POU2F2: variants seen among roughly 807,000 people sequenced by gnomAD.
The protein encoded by POU2F2 is POU class 2 homeobox 2.
POU2F2 carries 14 observed loss-of-function variants against 63.5 expected under a neutral mutation model. The observed-to-expected ratio is 0.22, with a 90% CI of 0.15 to 0.34. The LOEUF is 0.34. Among genes scored for constraint, POU2F2 ranks in the 10% least tolerant of loss-of-function variants. The probability of loss-of-function intolerance (pLI) is 1.00; values close to 1 mark genes in which losing one functional copy is unlikely to be tolerated. For synonymous variants in POU2F2, 306 were observed against 348.6 expected, an observed-to-expected ratio of 0.88 and a Z score of 1.36; for missense variants, 607 against 815.2, an observed-to-expected ratio of 0.74 and a Z score of 3.11.
At chr19:42,113,800 A>C (rs907556931) in intron 5 of POU2F2, among the ~76,000 whole-genome samples, 2 of 152,068 alleles carry the variant, frequency 1.3e-5, no homozygotes, top group African/African-American at 4.8e-5. Flanking sequence ...TGAGAAGTGG[A>C]CTGGGGGGTG....
chr19:42,143,301 G>A (rs2034165567), intron 2 of POU2F2, among the ~76,000 whole-genome samples: 2 of 152,058 alleles, frequency 1.3e-5, no homozygotes, highest in Non-Finnish European at 1.5e-5. Flanking sequence ...GCAGTGAGCC[G>A]AGATCAAGCT....
chr19:42,188,349 G>C (rs1457068522), intron 1 of POU2F2, among the ~76,000 whole-genome samples: 3 of 150,174 alleles, frequency 2.0e-5, no homozygotes, highest in African/African-American at 7.4e-5. Context: ...CTGGGTGACA[G>C]AGTGAGACCT....
At chr19:42,159,442 C>A (rs1321601245) in intron 2 of POU2F2, among the ~76,000 whole-genome samples, 1 of 152,138 alleles carries the variant, frequency 6.6e-6, no homozygotes, top group Non-Finnish European at 1.5e-5. Context: ...CCTACAAGGG[C>A]ACCCAAAGGC....
intron 5 of POU2F2, among the ~76,000 whole-genome samples, chr19:42,101,436 A>G (rs1022786097): frequency 6.6e-6 from 1 of 152,180 alleles, no homozygotes; most frequent in Non-Finnish European, 1.5e-5. Flanking sequence ...TTGGACATAG[A>G]CATGGATAAC....
intron 2 of POU2F2, among the ~76,000 whole-genome samples, chr19:42,150,525 C>A (rs1481072182): frequency 6.6e-6 from 1 of 151,452 alleles, no homozygotes; most frequent in East Asian, 2.0e-4. Context: ...TGCTTTATTG[C>A]CAAGAAACTG....
intron 1 of POU2F2, among the ~76,000 whole-genome samples, chr19:42,195,627 T>C (rs1394323243): frequency 6.7e-6 from 1 of 150,262 alleles, no homozygotes; most frequent in East Asian, 2.0e-4. Flanking sequence ...CCACCGCGCC[T>C]GGCCCCCTCC....
intron 2 of POU2F2, among the ~76,000 whole-genome samples, chr19:42,137,950 C>CAA (rs2034051022): frequency 6.6e-6 from 1 of 152,134 alleles, no homozygotes; most frequent in Admixed American, 6.5e-5. Flanking sequence ...GCAGAGTGAA[C>CAA]AAAGAAGAGA....
intron 1 of POU2F2, among the ~76,000 whole-genome samples, chr19:42,161,952 A>G (rs1000467334): frequency 1.3e-5 from 2 of 152,232 alleles, no homozygotes; most frequent in Non-Finnish European, 2.9e-5. Context: ...CGCGCAGGGC[A>G]AAATCGATGG....
intron 2 of POU2F2, among the ~76,000 whole-genome samples, chr19:42,139,961 C>T (rs2034094374): frequency 6.6e-6 from 1 of 152,244 alleles, no homozygotes; most frequent in South Asian, 2.1e-4. Context: ...GGCCCACAGT[C>T]ACACAATGAG....
At chr19:42,118,286 C>T (rs549357327) in intron 4 of POU2F2, among the ~76,000 whole-genome samples, 9 of 152,234 alleles carry the variant, frequency 5.9e-5, no homozygotes, top group African/African-American at 1.9e-4. Flanking sequence ...TTTTCAGGTA[C>T]TAAGAAAAAC....
Position 42,169,103 on chromosome 19 carries a change from C to CTTGA in POU2F2, c.-70+6859_-70+6860insTCAA, listed in dbSNP as rs1276394736. 6.6e-6 allele frequency among the ~76,000 whole-genome samples: 1 copy of CTTGA among 152,174 alleles called. No individual in the cohort carries two copies. Among genetic ancestry groups the CTTGA allele is most frequent in the African/African-American group, 2.4e-5 (1 of 41,434 alleles). On this transcript the variant is annotated intron_variant, in intron 1 of 6. Coordinates refer to the POU2F2 transcript ENST00000524801. This position sits in a 1 kb window ranked among gnomAD's most constrained non-coding sequence, Gnocchi z 4.3. The stretch of plus-strand genomic sequence containing the variant: ...ATGTGATGAGTTAATTAATTCTATA[C>CTTGA]ACATTTTCACACTTGAACATCTACC...
chr19:42,191,495 T>C (rs2035074899), intron 1 of POU2F2, among the ~76,000 whole-genome samples: 1 of 151,562 alleles, frequency 6.6e-6, no homozygotes, highest in South Asian at 2.1e-4. Context: ...ACCTCAACCC[T>C]GCCCACACCT....
chr19:42,143,775 T>C (rs190592317), intron 2 of POU2F2, among the ~76,000 whole-genome samples: 1 of 152,278 alleles, frequency 6.6e-6, no homozygotes, highest in East Asian at 1.9e-4. Flanking sequence ...TCCTGCCCAG[T>C]GCAGTCCTTC....
intron 2 of POU2F2, chr19:42,157,470 C>T (rs560974547): frequency 6.6e-6 from 1 of 152,246 alleles, no homozygotes; most frequent in East Asian, 1.9e-4. Context: ...AGGCCTAGCA[C>T]ACAAGGAATC....
At chr19:42,175,490 G>A (rs1466804014) in intron 1 of POU2F2, among the ~76,000 whole-genome samples, 1 of 151,408 alleles carries the variant, frequency 6.6e-6, no homozygotes, top group Non-Finnish European at 1.5e-5. Flanking sequence ...AGGGGGAAGG[G>A]AAAAACGGAG....
rs192745314 is a variant in POU2F2 at position 42,163,580 on chromosome 19, G to C, written c.-69-3188C>G. ...GACACGGCACATGTCTTATGTCTTG[G>C]TGGCTTCCTCTACCCAGGCTTTTCT... On this transcript the variant is annotated intron_variant, in intron 1 of 6. Coordinates refer to the POU2F2 transcript ENST00000524801. 2.4e-4 allele frequency among the ~76,000 whole-genome samples: 36 copies of C among 152,218 alleles called. 1 individual carries two copies. Among genetic ancestry groups the C allele is most frequent in the Admixed American group, 1.9e-3 (29 of 15,296 alleles).
upstream of POU2F2, chr19:42,137,006 G>C (rs1425775746): frequency 6.6e-6 from 1 of 152,150 alleles, no homozygotes; most frequent in Non-Finnish European, 1.5e-5. Context: ...CTGACCTCAA[G>C]GAGCTAACAG....
In POU2F2 at chr19:42,086,205, A is replaced by C. The variant is rs1286093201; in HGVS notation, c.*5052T>G. On this transcript the variant is annotated 3_prime_UTR_variant, in exon 15 of 15. Coordinates refer to ENST00000692977, the MANE Select transcript of POU2F2 (RefSeq NM_001394376.1). ...AGTTACAAAAATGGGGCCTTAAAAGAAGCACATTGTACAATGAACAAGCAG... is the reference window on the plus strand; with the variant it reads ...AGTTACAAAAATGGGGCCTTAAAAGCAGCACATTGTACAATGAACAAGCAG... 6.6e-6 allele frequency: 1 copy of C among 152,156 alleles called. No homozygotes were observed. The highest frequency in any genetic ancestry group is 1.5e-5 in the Non-Finnish European group (1 of 68,032). 9.4% of individuals were successfully genotyped at this position (152,156 alleles called of 1,614,324 possible).
intron 5 of POU2F2, among the ~76,000 whole-genome samples, chr19:42,116,168 G>A (rs1449014413): frequency 6.6e-6 from 1 of 152,166 alleles, no homozygotes; most frequent in Non-Finnish European, 1.5e-5. Flanking sequence ...CTAGGAAACT[G>A]AGACAGCCAC....
Sources: gnomAD v4.1 joint callset for allele counts (sites outside exome capture counted in the v4.1 genomes callset) on GRCh38, gnomAD v4.1.1 for gene constraint, Gnocchi (gnomAD v3.1) non-coding constraint, MANE v1.5 for transcripts, NCBI Gene and HGNC (gene_info 2026-07-23, HGNC 2026-07-21) for gene names.